The following PJA2 variants were observed in gnomAD, a reference collection of about 807,000 sequenced individuals.
PJA2 encodes the protein praja ring finger ubiquitin ligase 2, also known as E3 ubiquitin-protein ligase Praja-2.
PJA2 carries 25 observed loss-of-function variants against 69.3 expected under a neutral mutation model. That is an observed-to-expected ratio of 0.36 (90% CI 0.26 to 0.50). PJA2 has a LOEUF of 0.50. Ranked by LOEUF, PJA2 falls within the 20% of genes least tolerant of loss-of-function variation. The pLI is 0.96. For synonymous variants in PJA2, 308 were observed against 277.8 expected (o/e 1.11, Z -1.08); for missense variants, 809 against 830.2 (o/e 0.97, Z 0.31).
At chr5:109,368,854 T>C (rs939303339) in intron 4 of PJA2, 108 bp from the exon 5 acceptor site, 3 of 1,155,696 alleles carry the variant, frequency 2.6e-6, no homozygotes, top group East Asian at 2.6e-5. Flanking sequence ...CCAAATCTCA[T>C]GTTGAACTGT....
At chr5:109,356,120 G>C in intron 6 of PJA2, 94 bp from the exon 7 acceptor site, 1 of 792,358 alleles carries the variant, frequency 1.3e-6, no homozygotes, top group Non-Finnish European at 2.1e-6. Flanking sequence ...CTGACAAGCC[G>C]ATAAACATGC....
At chr5:109,402,098 T>C (rs558234620) in intron 1 of PJA2, among the ~76,000 whole-genome samples, 7 of 152,088 alleles carry the variant, frequency 4.6e-5, no homozygotes, top group Non-Finnish European at 7.4e-5. Context: ...AATTAACTTT[T>C]TAAAAGAGAG....
intron 3 of PJA2, among the ~76,000 whole-genome samples, chr5:109,381,133 G>C (rs1283967069): frequency 6.6e-6 from 1 of 151,306 alleles, no homozygotes; most frequent in East Asian, 1.9e-4. Flanking sequence ...AAAAGAAGAA[G>C]AAGAAAAGTT....
chr5:109,381,899 AGAGT>A (rs1482538398), intron 2 of PJA2, among the ~76,000 whole-genome samples, 196 bp from the exon 3 acceptor site: 4 of 152,200 alleles, frequency 2.6e-5, no homozygotes, highest in African/African-American at 7.2e-5. Context: ...CTATATAATA[AGAGT>A]TAGTGGCCTT....
At chr5:109,401,728 G>A (rs191993883) in intron 1 of PJA2, among the ~76,000 whole-genome samples, 69 of 152,256 alleles carry the variant, frequency 4.5e-4, no homozygotes, top group Non-Finnish European at 6.8e-4. Flanking sequence ...TGAAGTCCAA[G>A]AAATGTGAAA....
chr5:109,404,641 T>G (rs1747639401), intron 1 of PJA2, among the ~76,000 whole-genome samples: 1 of 152,126 alleles, frequency 6.6e-6, no homozygotes, highest in South Asian at 2.1e-4. Context: ...CAGACTGCAG[T>G]TTTTTCACTG....
Position 109,338,635 on chromosome 5 carries a change from T to G in PJA2, c.2002-1279A>C, listed in dbSNP as rs1306096497. Among the ~76,000 whole-genome samples, 63 of 56,846 alleles carry G rather than the reference T, an allele frequency of 1.1e-3. 1 individual carries two copies. The East Asian group carries it at 0.036, about 33-fold the overall frequency. 37.3% of individuals were successfully genotyped at this position (56,846 alleles called of 152,430 possible). On this transcript the variant is annotated intron_variant, in intron 9 of 9. Transcript: ENST00000361189. ...CTGGGCAACAGAGTGAAACTCCGTCTCAAAAAAAAAAAAAAAAAAAAAAAA... is the reference window on the plus strand; with the variant it reads ...CTGGGCAACAGAGTGAAACTCCGTCGCAAAAAAAAAAAAAAAAAAAAAAAA...
chr5:109,403,489 A>G (rs1173913950), intron 1 of PJA2, among the ~76,000 whole-genome samples: 2 of 151,982 alleles, frequency 1.3e-5, no homozygotes, highest in Non-Finnish European at 2.9e-5. Flanking sequence ...TTTCAAAAAT[A>G]TAAGAAACAC....
At chr5:109,372,923 A>AAGAAAGAAAG (rs1554054557) in intron 4 of PJA2, among the ~76,000 whole-genome samples, 2 of 136,884 alleles carry the variant, frequency 1.5e-5, no homozygotes, top group African/African-American at 5.5e-5. Context: ...AAAAAAAAAA[A>AAGAAAGAAAG]AAAGAAAGAA....
chr5:109,402,578 T>C (rs1426115000), intron 1 of PJA2, among the ~76,000 whole-genome samples: 2 of 152,150 alleles, frequency 1.3e-5, no homozygotes, highest in East Asian at 3.8e-4. Flanking sequence ...CCATTATACT[T>C]GGAGACTTCA....
intron 9 of PJA2, among the ~76,000 whole-genome samples, chr5:109,342,246 AG>A (rs1762082206): frequency 2.1e-5 from 1 of 46,520 alleles, no homozygotes; most frequent in Admixed American, 2.5e-4. Flanking sequence ...CCAGGAGGTG[AG>A]GGGCGCCTCT....
chr5:109,372,322 A>C (rs1762687238), intron 4 of PJA2, among the ~76,000 whole-genome samples: 1 of 152,198 alleles, frequency 6.6e-6, no homozygotes, highest in Non-Finnish European at 1.5e-5. Context: ...CAGTGTCCTC[A>C]AAGTGGGCAT....
At chr5:109,339,629 G>C (rs967351518) in intron 9 of PJA2, among the ~76,000 whole-genome samples, 7 of 152,180 alleles carry the variant, frequency 4.6e-5, no homozygotes, top group Admixed American at 3.3e-4. Flanking sequence ...TGCATTTTCT[G>C]CTTCCCCAAT....
At chr5:109,391,753 A>G (rs918934826) in intron 1 of PJA2, among the ~76,000 whole-genome samples, 1 of 152,222 alleles carries the variant, frequency 6.6e-6, no homozygotes, top group Non-Finnish European at 1.5e-5. Flanking sequence ...TTCTATAGTG[A>G]TAACTTTTAG....
chr5:109,393,437 C>A (rs1045047191), intron 1 of PJA2, among the ~76,000 whole-genome samples: 1 of 152,088 alleles, frequency 6.6e-6, no homozygotes, highest in African/African-American at 2.4e-5. Context: ...CCTAGTAAAC[C>A]TGAACATATG....
chr5:109,377,284 A>C (rs951293663), intron 4 of PJA2, among the ~76,000 whole-genome samples: 8 of 152,156 alleles, frequency 5.3e-5, no homozygotes, highest in African/African-American at 1.7e-4. Flanking sequence ...TAACTAAAAA[A>C]AAACCACACA....
chr5:109,373,994 C>A (rs965806176), intron 4 of PJA2, among the ~76,000 whole-genome samples: 1 of 152,156 alleles, frequency 6.6e-6, no homozygotes, highest in Non-Finnish European at 1.5e-5. Flanking sequence ...AACTCAACTA[C>A]AGGAGCCTAG....
intron 1 of PJA2, among the ~76,000 whole-genome samples, chr5:109,391,237 A>C (rs1162463808): frequency 6.6e-6 from 1 of 152,178 alleles, no homozygotes; most frequent in Non-Finnish European, 1.5e-5. Context: ...CTCACCCTAC[A>C]TGTAAGCCCC....
chr5:109,362,904 AC>A lies in PJA2; in HGVS notation c.1587del (p.Met529IlefsTer14), dbSNP rs759002960. ...TCCTCCAGGTTATTGTTACCATCCA[AC>A]ATGAAAGCTGGCTGTGCAAATTCAT... ...PANEFAQPAF[M>X]LDGNNNLEDD... On this transcript the variant is annotated frameshift_variant, in exon 6 of 10. Coordinates refer to ENST00000361189, the MANE Select transcript of PJA2 (RefSeq NM_014819.5). LOFTEE classifies it high-confidence loss of function. 6.2e-7 allele frequency: 1 copy of A among 1,613,658 alleles called. No homozygotes were observed. Among genetic ancestry groups the A allele is most frequent in the African/African-American group, 1.3e-5 (1 of 74,922 alleles).
Sources: allele counts gnomAD v4.1 joint callset (sites outside exome capture counted in the v4.1 genomes callset), GRCh38; gene constraint gnomAD v4.1.1; transcripts MANE v1.5; gene names NCBI Gene and HGNC (gene_info 2026-07-23, HGNC 2026-07-21).